Variants in ENTPD3 observed in about 807,000 individuals in gnomAD.
ENTPD3 encodes CD39 antigen-like 3.
Under a neutral mutation model 51.2 loss-of-function variants are expected in ENTPD3, and 60 were observed. The ratio of observed to expected loss-of-function variants is 1.17; its 90% CI spans 0.95 to 1.45. The LOEUF is 1.45. ENTPD3 is among the 40% of genes most tolerant of loss of function. The pLI is 0.00. For missense variants in ENTPD3, 593 were observed against 641.1 expected (o/e 0.93, Z 0.81); for synonymous variants, 221 against 238.4 (o/e 0.93, Z 0.67).
At position 40,426,240 on chromosome 3, in the gene ENTPD3, C is replaced by G. The variant is rs188654285; in HGVS notation, c.1354-1032C>G. Among the ~76,000 whole-genome samples, 676 of 151,318 alleles carry G rather than the reference C, an allele frequency of 4.5e-3. 2 individuals are homozygous for G. The highest frequency in any genetic ancestry group is 0.014 in the African/African-American group (580 of 41,396). ...TCTCCTGCCTCAGCCTCCTGAGTAG[C>G]TGGGATTACAGGCACCCACCATCAT... On this transcript the variant is annotated intron_variant, in intron 10 of 10. Transcript: ENST00000301825.
chr3:40,414,884 C>T (rs751219677), intron 6 of ENTPD3, 44 bp downstream of exon 6: 2 of 1,602,012 alleles, frequency 1.2e-6, no homozygotes, highest in South Asian at 1.1e-5. Flanking sequence ...ACTGTTTATC[C>T]TATCCCCTGT....
Position 40,401,250 on chromosome 3 carries a change from G to A in ENTPD3, c.286+239G>A, listed in dbSNP as rs148468497. Among the ~76,000 whole-genome samples the A allele has an allele frequency of 1.1e-3, 168 of 152,268 alleles. 2 individuals are homozygous for A. Among genetic ancestry groups the A allele is most frequent in the Admixed American group, 9.9e-3 (152 of 15,300 alleles). On this transcript the variant is annotated intron_variant, in intron 4 of 10. Transcript: ENST00000301825. Reference sequence around the variant, plus strand: ...ATCTGTATACATGGAAAGGGGTGGCGTCAAGAACTGTGAATGGTCTGAGAT... The same window carrying A: ...ATCTGTATACATGGAAAGGGGTGGCATCAAGAACTGTGAATGGTCTGAGAT...
intron 10 of ENTPD3, chr3:40,424,999 A>G: frequency 2.6e-6 from 1 of 389,848 alleles, no homozygotes. Flanking sequence ...CCAGTAAAGT[A>G]TATTATAAGA....
At chr3:40,421,099 C>G (rs1438550128) in intron 7 of ENTPD3, among the ~76,000 whole-genome samples, 1 of 149,950 alleles carries the variant, frequency 6.7e-6, no homozygotes, top group African/African-American at 2.5e-5. Context: ...TCTCGGTTTG[C>G]TGCAACCTCC....
intron 4 of ENTPD3, among the ~76,000 whole-genome samples, chr3:40,410,528 C>A (rs1210350358): frequency 6.6e-6 from 1 of 151,558 alleles, no homozygotes; most frequent in Non-Finnish European, 1.5e-5. Flanking sequence ...TTGATGATAA[C>A]AGCACAAAAA....
chr3:40,403,574 C>A (rs1353166488), intron 4 of ENTPD3, among the ~76,000 whole-genome samples: 2 of 151,854 alleles, frequency 1.3e-5, no homozygotes, highest in African/African-American at 4.8e-5. Flanking sequence ...ACAGCTGGGA[C>A]AATAAGTCTA....
At chr3:40,410,574 T>C (rs1955606044) in intron 4 of ENTPD3, among the ~76,000 whole-genome samples, 1 of 152,102 alleles carries the variant, frequency 6.6e-6, no homozygotes, top group East Asian at 1.9e-4. Context: ...CTATTGTAAG[T>C]CCACACTAAT....
At chr3:40,408,965 T>G (rs1245604428) in intron 4 of ENTPD3, among the ~76,000 whole-genome samples, 3 of 151,992 alleles carry the variant, frequency 2.0e-5, no homozygotes, top group African/African-American at 7.3e-5. Flanking sequence ...ATATTAAAAA[T>G]TATTCATACA....
At chr3:40,400,755 A>T (rs1955334570) in intron 3 of ENTPD3, 139 bp from the exon 4 acceptor site, 1 of 638,832 alleles carries the variant, frequency 1.6e-6, no homozygotes, top group African/African-American at 1.8e-5. Context: ...TTTGGAGAAA[A>T]TAATTTTTCT....
chr3:40,402,115 T>C (rs371378600), intron 4 of ENTPD3, among the ~76,000 whole-genome samples: 4 of 31,752 alleles, frequency 1.3e-4, no homozygotes, highest in South Asian at 4.0e-3. Flanking sequence ...CCTTTCCTTT[T>C]TTTTTTTCTT....
intron 3 of ENTPD3, among the ~76,000 whole-genome samples, chr3:40,393,065 C>A (rs912525375): frequency 2.6e-5 from 4 of 151,908 alleles, no homozygotes; most frequent in Non-Finnish European, 5.9e-5. Flanking sequence ...AAGTCCATCC[C>A]CAAATGATCT....
rs1000108548 is a variant in ENTPD3, at chr3:40,423,484, G to A, written c.1215+83G>A. ...TCTATGTGTGTGTATTCTGAATTTA[G>A]CCTTTATGCTCTTCTATTTCCATCA... On this transcript the variant is annotated intron_variant, in intron 9 of 10. Transcript: ENST00000301825. 12 of 993,522 alleles carry A rather than the reference G, an allele frequency of 1.2e-5. No homozygotes were observed. In the African/African-American group the frequency reaches 1.5e-4, roughly 12 times the overall value. 61.5% of individuals were successfully genotyped at this position (993,522 alleles called of 1,614,324 possible). A position where few individuals can be genotyped will look rare whatever the true frequency, so the allele number is the denominator to read the frequency against.
chr3:40,408,137 G>A (rs1955546077), intron 4 of ENTPD3, among the ~76,000 whole-genome samples: 1 of 152,182 alleles, frequency 6.6e-6, no homozygotes. Flanking sequence ...GTTACAGAAT[G>A]AGAATCTTAA....
At chr3:40,397,572 G>A (rs913262688) in intron 3 of ENTPD3, among the ~76,000 whole-genome samples, 1 of 152,066 alleles carries the variant, frequency 6.6e-6, no homozygotes. Flanking sequence ...GCAGTGCCTA[G>A]AATAAGTGCA....
chr3:40,400,278 A>G (rs1043874548), intron 3 of ENTPD3, among the ~76,000 whole-genome samples: 4 of 151,996 alleles, frequency 2.6e-5, no homozygotes, highest in East Asian at 1.9e-4. Flanking sequence ...AAAAAAAAAA[A>G]AAAGAAAAAA....
intron 7 of ENTPD3, among the ~76,000 whole-genome samples, chr3:40,418,342 C>T (rs1366984069): frequency 6.6e-6 from 1 of 152,156 alleles, no homozygotes; most frequent in Non-Finnish European, 1.5e-5. Context: ...ATATGTATTG[C>T]CAAGCCCTGA....
intron 4 of ENTPD3, among the ~76,000 whole-genome samples, chr3:40,410,933 G>A (rs1298692963): frequency 6.6e-6 from 1 of 152,110 alleles, no homozygotes; most frequent in Admixed American, 6.5e-5. Flanking sequence ...AGACACAGAG[G>A]ATGAGAATGA....
At chr3:40,423,144 A>C in intron 8 of ENTPD3, 22 bp downstream of exon 8, 4 of 1,599,026 alleles carry the variant, frequency 2.5e-6, no homozygotes, top group Non-Finnish European at 3.4e-6. Context: ...ACCTTCTGAA[A>C]GATTCCTTTC....
chr3:40,413,340 C>T (rs1955676805), intron 5 of ENTPD3, among the ~76,000 whole-genome samples: 1 of 152,152 alleles, frequency 6.6e-6, no homozygotes. Flanking sequence ...AGTTTCAGAA[C>T]AGGACCTGAG....
Sources: gnomAD v4.1 joint callset for allele counts (sites outside exome capture counted in the v4.1 genomes callset) on GRCh38, gnomAD v4.1.1 for gene constraint, MANE v1.5 for transcripts, NCBI Gene and HGNC (gene_info 2026-07-23, HGNC 2026-07-21) for gene names.